GAK: variants seen among roughly 807,000 people sequenced by gnomAD.
GAK encodes the protein cyclin-G-associated kinase.
A neutral mutation model predicts 143.9 loss-of-function variants in GAK; 79 were observed. That is an observed-to-expected ratio of 0.55 (90% CI 0.46 to 0.66). GAK has a LOEUF of 0.66. Ranked by LOEUF, GAK falls within the 30% of genes least tolerant of loss-of-function variation. The probability of loss-of-function intolerance (pLI) is 0.00; values close to 1 mark genes in which losing one functional copy is unlikely to be tolerated. For synonymous variants in GAK, 881 were observed against 765.5 expected (o/e 1.15, Z -2.49); for missense variants, 1,693 against 1,779.7 (o/e 0.95, Z 0.88).
At position 851,943 on chromosome 4, in the gene GAK, G is replaced by T. The variant is rs1188190217; in HGVS notation, c.3315C>A (p.Phe1105Leu). 1 of 1,613,786 alleles carries T rather than the reference G, an allele frequency of 6.2e-7. No homozygotes were observed. Among genetic ancestry groups the T allele is most frequent in the South Asian group, 1.1e-5 (1 of 91,062 alleles). The change falls in exon 25 of 28, where the codon TTC (phenylalanine) becomes TTA (leucine). Residue 1105 changes from phenylalanine (F) to leucine (L), a missense_variant. By Grantham distance (22) the Phe-to-Leu change is conservative. Coordinates refer to ENST00000314167, the MANE Select transcript of GAK (RefSeq NM_005255.4). ...GSPAGFPPGG[F>L]IPKTATTPKG... is the part of the protein sequence containing the mutation. Reference sequence around the variant, plus strand: ...TGGGCGTGGTGGCCGTTTTGGGAATGAAGCCCCCAGGAGGGAATCCAGCTG... The same window carrying T: ...TGGGCGTGGTGGCCGTTTTGGGAATTAAGCCCCCAGGAGGGAATCCAGCTG...
chr4:913,769 C>T (rs530258231), intron 1 of GAK, 101 bp from the exon 2 acceptor site: 828 of 1,044,006 alleles, frequency 7.9e-4, no homozygotes, highest in Non-Finnish European at 1.1e-3. Context: ...TGACTTGTGG[C>T]GTGGCCAGCA....
rs779297995 is a variant in GAK at position 898,162 on chromosome 4, T to G, written c.526-4A>C. 1.3e-5 allele frequency: 21 copies of G among 1,613,700 alleles called. No individual in the cohort carries two copies. Among genetic ancestry groups the G allele is most frequent in the Non-Finnish European group, 1.7e-5 (20 of 1,179,814 alleles). ...TACTAAGCAACAAGTTCTCAACCTG[T>G]AAAATTCCACAAGACAGCCCCGTGA... is the stretch of plus-strand genomic sequence containing the variant. On this transcript the variant is annotated splice_polypyrimidine_tract_variant and splice_region_variant and intron_variant, in intron 5 of 27. Transcript: ENST00000314167.
At chr4:892,671 C>G (rs1440939145) in intron 9 of GAK, among the ~76,000 whole-genome samples, 1 of 152,182 alleles carries the variant, frequency 6.6e-6, no homozygotes, top group Non-Finnish European at 1.5e-5. Flanking sequence ...AACCAGGACG[C>G]CCAGAGCTGA....
At position 913,684 on chromosome 4, in the gene GAK, A is replaced by G; in HGVS notation, c.146-16T>C. ...GCAAACCCTCCTGAAAATTAAAAAG[A>G]CTTGTCAGTTCAATGCTATGATTTT... On this transcript the variant is annotated splice_polypyrimidine_tract_variant and intron_variant, in intron 1 of 27. Coordinates refer to ENST00000314167, the MANE Select transcript of GAK (RefSeq NM_005255.4). 1 of 1,601,760 alleles carries G rather than the reference A, an allele frequency of 6.2e-7. No individual in the cohort carries two copies. The highest frequency in any genetic ancestry group is 1.3e-5 in the African/African-American group (1 of 74,704).
chr4:891,953 G>T (rs1717757416), intron 9 of GAK, among the ~76,000 whole-genome samples: 1 of 152,120 alleles, frequency 6.6e-6, no homozygotes, highest in Admixed American at 6.5e-5. Context: ...CCAGCACCAG[G>T]GCTCCCTCTG....
rs370095744 is a variant in GAK at position 893,513 on chromosome 4, C to T, written c.878-24G>A. 539 of 1,500,274 alleles carry T rather than the reference C, an allele frequency of 3.6e-4. No individual in the cohort carries two copies. In the African/African-American group the frequency reaches 6.8e-3, roughly 19 times the overall value. 92.9% of individuals were successfully genotyped at this position (1,500,274 alleles called of 1,614,324 possible). On this transcript the variant is annotated intron_variant, in intron 8 of 27. Coordinates refer to ENST00000314167, the MANE Select transcript of GAK (RefSeq NM_005255.4). Reference sequence around the variant, plus strand: ...GCCTGCAGCAGAAGCACAGCGCGCTCGGCCCCACGGTTCCCCAGGCGGGTC... The same window carrying T: ...GCCTGCAGCAGAAGCACAGCGCGCTTGGCCCCACGGTTCCCCAGGCGGGTC...
chr4:904,257 G>GC (rs564905980), intron 5 of GAK, among the ~76,000 whole-genome samples: 156 of 138,558 alleles, frequency 1.1e-3, no homozygotes, highest in Admixed American at 2.0e-3. Flanking sequence ...TCCTAACCGA[G>GC]CGGGACCCGC....
intron 11 of GAK, among the ~76,000 whole-genome samples, chr4:884,559 C>A (rs1329484766): frequency 6.6e-6 from 1 of 152,218 alleles, no homozygotes; most frequent in African/African-American, 2.4e-5. Context: ...GCAGAGAGGG[C>A]CCCCTGCCCT....
At chr4:926,305 G>A (rs1724732345) in intron 1 of GAK, among the ~76,000 whole-genome samples, 1 of 152,186 alleles carries the variant, frequency 6.6e-6, no homozygotes, top group African/African-American at 2.4e-5. Flanking sequence ...AGCATGAAGT[G>A]GTGTTGGCCT....
rs748469869 is a variant in GAK at position 849,622 on chromosome 4, C to G, written c.*51G>C. 1.4e-6 allele frequency: 2 copies of G among 1,461,158 alleles called. No individual in the cohort carries two copies. Among genetic ancestry groups the G allele is most frequent in the Non-Finnish European group, 1.9e-6 (2 of 1,053,852 alleles). 90.5% of individuals were successfully genotyped at this position (1,461,158 alleles called of 1,614,324 possible). A position where few individuals can be genotyped will look rare whatever the true frequency, so the allele number is the denominator to read the frequency against. ...CCTCACGGTGGGGACCCAGGTCCCA[C>G]GACGGCTCCCAACCTGTGGAGCTGT... On this transcript the variant is annotated 3_prime_UTR_variant, in exon 28 of 28. Coordinates refer to ENST00000314167, the MANE Select transcript of GAK (RefSeq NM_005255.4).
At chr4:871,473 C>A (rs1309348873) in intron 18 of GAK, among the ~76,000 whole-genome samples, 1 of 152,256 alleles carries the variant, frequency 6.6e-6, no homozygotes, top group Non-Finnish European at 1.5e-5. Flanking sequence ...CAACTGTCAA[C>A]AGATGCCCAT....
Position 893,389 on chromosome 4 carries a change from A to C in GAK, c.978T>G (p.Ser326=). The C allele has an allele frequency of 6.3e-7, 1 of 1,575,748 alleles. No individual in the cohort carries two copies. Among genetic ancestry groups the C allele is most frequent in the Non-Finnish European group, 8.6e-7 (1 of 1,160,608 alleles). Residue 326 remains serine (S), a synonymous_variant, in exon 9 of 28, where the codon TCT becomes TCG. Coordinates refer to ENST00000314167, the MANE Select transcript of GAK (RefSeq NM_005255.4). ...IAAARNVNPK[S]PITELLEQNG... ...GTGCCTCCCTCACCTCTGTGATGGGAGACTTGGGGTTCACGTTGCGGGCGG... is the reference window on the plus strand; with the variant it reads ...GTGCCTCCCTCACCTCTGTGATGGGCGACTTGGGGTTCACGTTGCGGGCGG...
intron 19 of GAK, among the ~76,000 whole-genome samples, chr4:870,204 C>G (rs1326274072): frequency 6.6e-6 from 1 of 152,230 alleles, no homozygotes; most frequent in Non-Finnish European, 1.5e-5. Flanking sequence ...AAAGCAAACA[C>G]TGCAAACCAA....
chr4:881,771 C>G, intron 15 of GAK, 136 bp downstream of exon 15: 1 of 1,117,290 alleles, frequency 9.0e-7, no homozygotes. Context: ...AGCCATGGCT[C>G]CGCGAGGCCG....
intron 6 of GAK, among the ~76,000 whole-genome samples, chr4:897,103 C>G (rs942976051): frequency 2.0e-5 from 3 of 152,122 alleles, no homozygotes; most frequent in Admixed American, 6.5e-5. Flanking sequence ...CCGTGCATGG[C>G]AGACATGTTG....
At chr4:864,980 G>A (rs565911859) in intron 23 of GAK, 142 bp downstream of exon 23, 119 of 1,175,022 alleles carry the variant, frequency 1.0e-4, no homozygotes, top group Middle Eastern at 2.3e-4. Flanking sequence ...CCTTGTGTGC[G>A]GAGCCCGCAC....
intron 21 of GAK, 76 bp from the exon 22 acceptor site, chr4:866,610 C>T: frequency 6.6e-7 from 1 of 1,513,714 alleles, no homozygotes; most frequent in South Asian, 1.2e-5. Flanking sequence ...TGGAGTCAGG[C>T]CTGCCCAAGA....
intron 1 of GAK, among the ~76,000 whole-genome samples, chr4:931,376 C>G (rs1725727826): frequency 6.6e-6 from 1 of 152,066 alleles, no homozygotes; most frequent in Non-Finnish European, 1.5e-5. Context: ...TGTTGAAAGA[C>G]GAAGGGGGAT....
chr4:920,539 ATTTTTTT>A (rs34176109), intron 1 of GAK, among the ~76,000 whole-genome samples: 117 of 129,594 alleles, frequency 9.0e-4, no homozygotes, highest in African/African-American at 3.3e-3. Flanking sequence ...GTTTAGAGCC[ATTTTTTT>A]TTTTTTTTTT....
Sources: gnomAD v4.1 joint callset for allele counts (sites outside exome capture counted in the v4.1 genomes callset) on GRCh38, gnomAD v4.1.1 for gene constraint, MANE v1.5 for transcripts, NCBI Gene and HGNC (gene_info 2026-07-23, HGNC 2026-07-21) for gene names.